DPYSL4: variants seen among roughly 807,000 people sequenced by gnomAD.
The protein encoded by DPYSL4 is dihydropyrimidinase like 4.
DPYSL4 carries 43 observed loss-of-function variants against 63.4 expected under a neutral mutation model. That is an observed-to-expected ratio of 0.68 (90% CI 0.53 to 0.88). The LOEUF is 0.88. Among genes scored for constraint, DPYSL4 ranks in the 40% least tolerant of loss-of-function variants. DPYSL4 has a pLI of 0.00. For synonymous variants in DPYSL4, 353 were observed against 331.7 expected, an observed-to-expected ratio of 1.06 and a Z score of -0.70; for missense variants, 733 against 819.5, an observed-to-expected ratio of 0.89 and a Z score of 1.29.
intron 3 of DPYSL4, among the ~76,000 whole-genome samples, 187 bp downstream of exon 3, chr10:132,193,029 G>A (rs2061897928): frequency 6.6e-6 from 1 of 152,160 alleles, no homozygotes; most frequent in African/African-American, 2.4e-5. Context: ...GTGTTTCTGT[G>A]TGGCCAGTGC....
intron 7 of DPYSL4, among the ~76,000 whole-genome samples, 171 bp downstream of exon 7, chr10:132,198,654 C>T (rs1290383195): frequency 6.6e-6 from 1 of 152,216 alleles, no homozygotes; most frequent in Admixed American, 6.5e-5. Context: ...TCCATCCCCC[C>T]ACAACCCTAC....
rs762740893 is a variant in DPYSL4, at chr10:132,201,940, C to G, written c.1111-6C>G. ...TCGCCCTCAGCTCAGCCTTCTTGTT[C>G]CCCAGGCCTCTGGGAAGATGGACGA... On this transcript the variant is annotated splice_polypyrimidine_tract_variant and splice_region_variant and intron_variant, in intron 10 of 13. Coordinates refer to ENST00000338492, the MANE Select transcript of DPYSL4 (RefSeq NM_006426.3). 3 of 1,609,786 alleles carry G rather than the reference C, an allele frequency of 1.9e-6. No homozygotes were observed. The highest frequency in any genetic ancestry group is 1.1e-5 in the South Asian group (1 of 90,664).
chr10:132,202,553 C>A, intron 11 of DPYSL4, 93 bp from the exon 12 acceptor site: 2 of 1,524,702 alleles, frequency 1.3e-6, no homozygotes, highest in Admixed American at 1.9e-5. Flanking sequence ...GCCTGCTCCA[C>A]GCTGGGCGGC....
In DPYSL4 at chr10:132,194,901, C is replaced by T. The variant is rs537272168; in HGVS notation, c.370C>T (p.Arg124Trp). The change falls in exon 4 of 14, where the codon CGG becomes TGG. Residue 124 changes from arginine (R) to tryptophan (W), a missense_variant. Arg to Trp is a moderately radical substitution (Grantham distance 101). Transcript: ENST00000338492. ...VSLLAAYEQW[R>W]ERADSAACCD... ...CCTGCTGGCGGCCTACGAGCAGTGGCGGGAGCGGGCGGACAGCGCGGCCTG... is the reference window on the plus strand; with the variant it reads ...CCTGCTGGCGGCCTACGAGCAGTGGTGGGAGCGGGCGGACAGCGCGGCCTG... The T allele has an allele frequency of 8.1e-6, 13 of 1,612,628 alleles. No homozygotes were observed. Among genetic ancestry groups the T allele is most frequent in the South Asian group, 3.3e-5 (3 of 91,068 alleles).
At position 132,201,926 on chromosome 10, in the gene DPYSL4, T is replaced by C. The variant is rs1217319373; in HGVS notation, c.1111-20T>C. 1.9e-6 allele frequency: 3 copies of C among 1,604,394 alleles called. No homozygotes were observed. The Admixed American group carries it at 5.0e-5, about 27-fold the overall frequency. ...CCCAACCCCACCCGTCGCCCTCAGCTCAGCCTTCTTGTTCCCCAGGCCTCT... is the reference window on the plus strand; with the variant it reads ...CCCAACCCCACCCGTCGCCCTCAGCCCAGCCTTCTTGTTCCCCAGGCCTCT... On this transcript the variant is annotated intron_variant, in intron 10 of 13. Transcript: ENST00000338492.
chr10:132,188,244 C>T (rs2814162), intron 1 of DPYSL4, among the ~76,000 whole-genome samples: 93,536 of 151,950 alleles, frequency 0.62, 29,450 homozygotes, highest in East Asian at 0.93. Context: ...CACCTCCATC[C>T]GGATGAGTGC....
chr10:132,201,755 C>G (rs1304600036), intron 10 of DPYSL4, among the ~76,000 whole-genome samples, 191 bp from the exon 11 acceptor site: 1 of 152,242 alleles, frequency 6.6e-6, no homozygotes, highest in Non-Finnish European at 1.5e-5. Context: ...GGTCCAGCAT[C>G]TGACCTGGCA....
intron 8 of DPYSL4, 139 bp downstream of exon 8, chr10:132,199,110 CACTGGACCCTGAGTCCCTGCATCGGGGCA>C: frequency 3.1e-6 from 4 of 1,298,036 alleles, no homozygotes; most frequent in South Asian, 1.5e-5. Context: ...CGGGGTGGGG[CACTGGACCCTGAGTCCCTGCATCGGGGCA>C]GGGGCTGGAC....
At chr10:132,203,408 A>C (rs1200775389) in intron 12 of DPYSL4, 3 of 289,742 alleles carry the variant, frequency 1.0e-5, no homozygotes, top group Non-Finnish European at 2.0e-5. Context: ...GCACAGGGGC[A>C]CTCGCAGTGG....
intron 3 of DPYSL4, 99 bp from the exon 4 acceptor site, chr10:132,194,746 C>T: frequency 6.7e-7 from 1 of 1,494,648 alleles, no homozygotes; most frequent in East Asian, 2.3e-5. Context: ...AAATGGTCCT[C>T]TGGTCTCTTG....
At chr10:132,189,280 G>A (rs1389814203) in intron 1 of DPYSL4, among the ~76,000 whole-genome samples, 2 of 152,246 alleles carry the variant, frequency 1.3e-5, no homozygotes, top group Non-Finnish European at 2.9e-5. Flanking sequence ...AGTCCAGCCC[G>A]TGGGCGCGTC....
rs377525363 is a variant in DPYSL4 at position 132,202,675 on chromosome 10, G to A, written c.1311G>A (p.Val437=). 1.7e-5 allele frequency: 27 copies of A among 1,613,000 alleles called. No homozygotes were observed. Among genetic ancestry groups the A allele is most frequent in the East Asian group, 2.2e-5 (1 of 44,892 alleles). The change falls in exon 12 of 14, where the codon GTG becomes GTA. Residue 437 remains valine, a synonymous_variant. Transcript: ENST00000338492. ...LNVEYNIFEG[V]ECRGAPAVVI... is the part of the protein sequence containing the mutation. ...TGGAGTACAACATCTTCGAGGGAGT[G>A]GAGTGCCGGGGAGCGCCTGCCGTGG...
At chr10:132,203,293 G>A (rs1298197818) in intron 12 of DPYSL4, among the ~76,000 whole-genome samples, 1 of 152,064 alleles carries the variant, frequency 6.6e-6, no homozygotes. Context: ...CCCCCCCCAT[G>A]GCCTTCCAGT....
chr10:132,188,743 C>T (rs568756019), intron 1 of DPYSL4, among the ~76,000 whole-genome samples: 4 of 152,354 alleles, frequency 2.6e-5, no homozygotes, highest in African/African-American at 4.8e-5. Flanking sequence ...AGTCGATGGG[C>T]ACCACTGTGT....
intron 6 of DPYSL4, among the ~76,000 whole-genome samples, chr10:132,197,410 G>T (rs563697452): frequency 6.6e-6 from 1 of 152,212 alleles, no homozygotes; most frequent in Non-Finnish European, 1.5e-5. Context: ...CCTGTGGAGC[G>T]GGGTACCCGC....
Position 132,204,850 on chromosome 10 carries a change from G to T in DPYSL4, c.1639G>T (p.Asp547Tyr). The change falls in exon 14 of 14, where the codon GAT becomes TAT. Residue 547 changes from aspartate (D) to tyrosine (Y), a missense_variant. Physicochemically the swap from Asp to Tyr is radical, Grantham distance 160 (BLOSUM62 -3). Transcript: ENST00000338492. ...TGCCCTTTCTTCAGGGTCTCAGGCTGATGACCACATCGCCCGACGCACAGC... is the reference window on the plus strand; with the variant it reads ...TGCCCTTTCTTCAGGGTCTCAGGCTTATGACCACATCGCCCGACGCACAGC... ...SGFSLSGSQA[D>Y]DHIARRTAQK... The T allele has an allele frequency of 6.2e-7, 1 of 1,611,182 alleles. No individual in the cohort carries two copies. The highest frequency in any genetic ancestry group is 8.5e-7 in the Non-Finnish European group (1 of 1,178,492).
intron 9 of DPYSL4, among the ~76,000 whole-genome samples, 157 bp downstream of exon 9, chr10:132,200,669 C>A (rs1297115204): frequency 2.0e-5 from 3 of 152,148 alleles, no homozygotes. Context: ...AGCGGGGGCT[C>A]CCCTGGCAGG....
chr10:132,187,820 C>T (rs996896270), intron 1 of DPYSL4, among the ~76,000 whole-genome samples: 6 of 152,202 alleles, frequency 3.9e-5, no homozygotes, highest in Admixed American at 1.3e-4. Flanking sequence ...CGGGAGGTCC[C>T]GCTCTGCCAG....
At position 132,200,361 on chromosome 10, in the gene DPYSL4, G is replaced by C; in HGVS notation, c.817G>C (p.Val273Leu). Residue 273 changes from valine to leucine, a missense_variant, in exon 9 of 14, where the codon GTC (valine) becomes CTC (leucine). Transcript: ENST00000338492. ...AIAQAKRRGV[V>L]VFGEPITASL... ...TCATGGGCCTCGTGCTGCAGGGGTG[G>C]TCGTGTTTGGGGAGCCCATCACCGC... 1 of 1,613,222 alleles carries C rather than the reference G, an allele frequency of 6.2e-7. No individual in the cohort carries two copies. The highest frequency in any genetic ancestry group is 8.5e-7 in the Non-Finnish European group (1 of 1,179,860).
Sources: allele counts gnomAD v4.1 joint callset (sites outside exome capture counted in the v4.1 genomes callset), GRCh38; gene constraint gnomAD v4.1.1; transcripts MANE v1.5; gene names NCBI Gene and HGNC (gene_info 2026-07-23, HGNC 2026-07-21).